MTNR1A: variants seen among roughly 807,000 people sequenced by gnomAD.
MTNR1A encodes the protein melatonin receptor 1A.
Under a neutral mutation model 5.5 loss-of-function variants are expected in MTNR1A, and 7 were observed. That is an observed-to-expected ratio of 1.28 (90% CI 0.73 to 2.40). MTNR1A has a LOEUF of 2.40. Ranked by LOEUF, MTNR1A falls within the 30% of genes most tolerant of loss-of-function variation. MTNR1A has a pLI of 0.00. For missense variants in MTNR1A, 441 were observed against 464.4 expected (o/e 0.95, Z 0.46); for synonymous variants, 196 against 202.7 (o/e 0.97, Z 0.28).
chr4:186,536,211 T>C (rs1736846024), intron 1 of MTNR1A, among the ~76,000 whole-genome samples: 1 of 151,904 alleles, frequency 6.6e-6, no homozygotes, highest in East Asian at 1.9e-4. Flanking sequence ...CTGGGCGTGG[T>C]GGCGGGCACC....
intron 1 of MTNR1A, among the ~76,000 whole-genome samples, chr4:186,538,579 T>C (rs1736930725): frequency 6.6e-6 from 1 of 152,122 alleles, no homozygotes; most frequent in South Asian, 2.1e-4. Flanking sequence ...TCCTCCCAGG[T>C]TCTAGCTTCC....
At chr4:186,543,915 C>G (rs1737081316) in intron 1 of MTNR1A, among the ~76,000 whole-genome samples, 1 of 152,146 alleles carries the variant, frequency 6.6e-6, no homozygotes. Context: ...ACTATGCTCC[C>G]TAGAATTCTG....
At chr4:186,550,033 CA>C (rs1289276992) in intron 1 of MTNR1A, among the ~76,000 whole-genome samples, 4 of 152,212 alleles carry the variant, frequency 2.6e-5, no homozygotes, top group African/African-American at 9.6e-5. Flanking sequence ...CCTTCAATGG[CA>C]TTGCCGAAAG....
At chr4:186,553,487 A>G (rs926220312) in intron 1 of MTNR1A, among the ~76,000 whole-genome samples, 1 of 152,212 alleles carries the variant, frequency 6.6e-6, no homozygotes, top group African/African-American at 2.4e-5. Flanking sequence ...AAAATTGTTC[A>G]GGCGTGATCA....
chr4:186,551,095 G>A (rs983002567), intron 1 of MTNR1A, among the ~76,000 whole-genome samples: 7 of 152,194 alleles, frequency 4.6e-5, no homozygotes, highest in Non-Finnish European at 8.8e-5. Flanking sequence ...GCATGAAGTG[G>A]GGTTAGCTTG....
intron 1 of MTNR1A, among the ~76,000 whole-genome samples, chr4:186,551,073 G>A (rs981201065): frequency 1.4e-4 from 22 of 152,280 alleles, no homozygotes; most frequent in South Asian, 2.1e-4. Flanking sequence ...GAAACCTCTC[G>A]GCTTGGAGAT....
intron 1 of MTNR1A, 106 bp from the exon 2 acceptor site, chr4:186,534,663 TCACA>T: frequency 7.1e-7 from 1 of 1,405,348 alleles, no homozygotes; most frequent in African/African-American, 1.4e-5. Context: ...TGACCTGACG[TCACA>T]GCGGCGGCCG....
intron 1 of MTNR1A, among the ~76,000 whole-genome samples, chr4:186,542,566 G>C (rs1378769580): frequency 6.6e-6 from 1 of 152,106 alleles, no homozygotes; most frequent in African/African-American, 2.4e-5. Flanking sequence ...GTGAGCCTAG[G>C]GTACAGATCC....
At position 186,548,810 on chromosome 4, in the gene MTNR1A, G is replaced by GATATATATATATAT. The variant is rs71595106; in HGVS notation, c.184+6358_184+6371dup. ...AGATAAGGAATGCTTAATCTATAAA[G>GATATATATATATAT]ATATATATATATATATATATATATA... On this transcript the variant is annotated intron_variant, in intron 1 of 1. Coordinates refer to ENST00000307161, the MANE Select transcript of MTNR1A (RefSeq NM_005958.4). Among the ~76,000 whole-genome samples, 135 of 54,550 alleles carry GATATATATATATAT rather than the reference G, an allele frequency of 2.5e-3. 3 individuals carry two copies. The highest frequency in any genetic ancestry group is 3.5e-3 in the South Asian group (4 of 1,142). The allele number at this position is 54,550 out of a possible 152,430, so 35.8% of individuals were successfully genotyped here.
intron 1 of MTNR1A, among the ~76,000 whole-genome samples, chr4:186,541,409 A>G (rs1014267117): frequency 6.7e-6 from 1 of 150,338 alleles, no homozygotes; most frequent in Non-Finnish European, 1.5e-5. Flanking sequence ...CCTGATGGGG[A>G]CAGTAGCTAA....
chr4:186,552,920 C>A (rs534277426), intron 1 of MTNR1A, among the ~76,000 whole-genome samples: 10 of 152,370 alleles, frequency 6.6e-5, no homozygotes, highest in African/African-American at 2.4e-4. Context: ...TGGTTGTCTG[C>A]AGCCTGCGTC....
At chr4:186,551,025 G>C (rs532104455) in intron 1 of MTNR1A, among the ~76,000 whole-genome samples, 1 of 152,322 alleles carries the variant, frequency 6.6e-6, no homozygotes, top group East Asian at 1.9e-4. Flanking sequence ...CAAATATTGT[G>C]GAAAGCAACA....
intron 1 of MTNR1A, among the ~76,000 whole-genome samples, chr4:186,543,288 C>A (rs143140049): frequency 3.3e-5 from 5 of 152,120 alleles, no homozygotes; most frequent in Admixed American, 2.6e-4. Context: ...AAATCCCTCG[C>A]GTGTCTCAGT....
At position 186,555,438 on chromosome 4, in the gene MTNR1A, C is replaced by T; in HGVS notation, c.-73G>A. 1 of 1,229,154 alleles carries T rather than the reference C, an allele frequency of 8.1e-7. No homozygotes were observed. The highest frequency in any genetic ancestry group is 1.0e-6 in the Non-Finnish European group (1 of 971,020). 76.1% of individuals were successfully genotyped at this position (1,229,154 alleles called of 1,614,324 possible). On this transcript the variant is annotated 5_prime_UTR_variant, in exon 1 of 2. Coordinates refer to ENST00000307161, the MANE Select transcript of MTNR1A (RefSeq NM_005958.4). The surrounding 1 kb of genome is among the most constrained non-coding windows in gnomAD (Gnocchi z 4.1). ...CCCGCCCGACCACTTGTTAAGGCTC[C>T]GCCCGGCGCTCCCCGCGCCCACGCC...
intron 1 of MTNR1A, among the ~76,000 whole-genome samples, chr4:186,553,622 C>T (rs1415172386): frequency 6.6e-6 from 1 of 152,214 alleles, no homozygotes; most frequent in African/African-American, 2.4e-5. Flanking sequence ...AGCGATTCTC[C>T]TGCCTCAGGC....
rs1427066697 is a variant in MTNR1A, at chr4:186,548,830, TATATATATATATATATAC to T, written c.184+6334_184+6351del. On this transcript the variant is annotated intron_variant, in intron 1 of 1. Coordinates refer to ENST00000307161, the MANE Select transcript of MTNR1A (RefSeq NM_005958.4). ...ATAAAGATATATATATATATATATA[TATATATATATATATATAC>T]ACTATATATGTAAAACAATCTTTTA... is the stretch of plus-strand genomic sequence containing the variant. Among the ~76,000 whole-genome samples the T allele has an allele frequency of 6.2e-4, 60 of 96,796 alleles. 1 individual carries two copies. Among genetic ancestry groups the T allele is most frequent in the African/African-American group, 1.3e-3 (31 of 24,186 alleles). 63.5% of individuals were successfully genotyped at this position (96,796 alleles called of 152,430 possible).
At chr4:186,552,398 T>A (rs1426388192) in intron 1 of MTNR1A, among the ~76,000 whole-genome samples, 2 of 152,212 alleles carry the variant, frequency 1.3e-5, no homozygotes, top group Non-Finnish European at 2.9e-5. Flanking sequence ...TCTACCTCAG[T>A]TAGATTGCCA....
At chr4:186,553,801 C>A (rs1448110342) in intron 1 of MTNR1A, among the ~76,000 whole-genome samples, 1 of 152,222 alleles carries the variant, frequency 6.6e-6, no homozygotes, top group Non-Finnish European at 1.5e-5. Flanking sequence ...CTTGAGCCAT[C>A]GCGCCCAGCC....
intron 1 of MTNR1A, among the ~76,000 whole-genome samples, 191 bp downstream of exon 1, chr4:186,554,991 G>A (rs964912767): frequency 2.6e-5 from 4 of 152,194 alleles, no homozygotes; most frequent in South Asian, 2.1e-4. Flanking sequence ...ACCTCTTAGG[G>A]GCTGTGACTC....
Sources: gnomAD v4.1 joint callset for allele counts (sites outside exome capture counted in the v4.1 genomes callset) on GRCh38, gnomAD v4.1.1 for gene constraint, Gnocchi (gnomAD v3.1) non-coding constraint, MANE v1.5 for transcripts, NCBI Gene and HGNC (gene_info 2026-07-23, HGNC 2026-07-21) for gene names.